KCNIP4: variants seen among roughly 807,000 people sequenced by gnomAD.
The protein encoded by KCNIP4 is Kv channel-interacting protein 4.
In KCNIP4, 12 loss-of-function variants were observed where a neutral mutation model predicts 34.0. That is an observed-to-expected ratio of 0.35 (90% CI 0.23 to 0.57). KCNIP4 has a LOEUF of 0.57. Ranked by LOEUF, KCNIP4 falls within the 20% of genes least tolerant of loss-of-function variation. The pLI is 0.83. For synonymous variants in KCNIP4, 124 were observed against 102.2 expected (o/e 1.21, Z -1.29); for missense variants, 238 against 311.7 (o/e 0.76, Z 1.78).
chr4:20,837,873 A>G (rs551556353), intron 3 of KCNIP4, among the ~76,000 whole-genome samples: 1 of 149,194 alleles, frequency 6.7e-6, no homozygotes, highest in South Asian at 2.1e-4. Context: ...TATTTTTAGT[A>G]GAGATGGGGT....
intron 1 of KCNIP4, among the ~76,000 whole-genome samples, chr4:20,970,715 C>T (rs1734844770): frequency 6.6e-6 from 1 of 152,036 alleles, no homozygotes; most frequent in Admixed American, 6.6e-5. Flanking sequence ...GTTGAGAATC[C>T]CTGCCTAAAA....
Position 21,649,797 on chromosome 4 carries a change from C to A in KCNIP4, c.61+298774G>T, listed in dbSNP as rs918984289. ...TTTTTTATACAACTCTAAACTAGAG[C>A]TGAATCAACTGTAGGGAATGTGCTG... is the stretch of plus-strand genomic sequence containing the variant. On this transcript the variant is annotated intron_variant, in intron 1 of 8. Transcript: ENST00000382152. 3.9e-5 allele frequency among the ~76,000 whole-genome samples: 6 copies of A among 152,124 alleles called. No homozygotes were observed. The East Asian group carries it at 5.8e-4, about 15-fold the overall frequency.
At chr4:20,924,228 T>G (rs1729682640) in intron 1 of KCNIP4, among the ~76,000 whole-genome samples, 1 of 152,212 alleles carries the variant, frequency 6.6e-6, no homozygotes, top group African/African-American at 2.4e-5. Flanking sequence ...CAGTCCATAT[T>G]AGGTTTTATT....
At chr4:21,775,767 G>A (rs1719130875) in intron 1 of KCNIP4, among the ~76,000 whole-genome samples, 1 of 152,226 alleles carries the variant, frequency 6.6e-6, no homozygotes, top group African/African-American at 2.4e-5. Flanking sequence ...GGGCTGTGGG[G>A]ACAAGCCTTG....
chr4:20,842,861 T>G (rs1719921211), intron 3 of KCNIP4, among the ~76,000 whole-genome samples: 1 of 151,486 alleles, frequency 6.6e-6, no homozygotes, highest in African/African-American at 2.4e-5. Flanking sequence ...GGAGATTAAT[T>G]AGAAACAAGA....
chr4:21,713,519 G>T (rs1180477859), intron 1 of KCNIP4, among the ~76,000 whole-genome samples: 1 of 152,250 alleles, frequency 6.6e-6, no homozygotes, highest in East Asian at 1.9e-4. Context: ...GTGATATTTT[G>T]CTACCTGCAT....
At chr4:20,884,095 G>A (rs574067846) in intron 1 of KCNIP4, among the ~76,000 whole-genome samples, 65 of 152,298 alleles carry the variant, frequency 4.3e-4, no homozygotes, top group African/African-American at 1.5e-3. Flanking sequence ...TTCAACTGCT[G>A]GTTGAGGGTC....
chr4:21,865,313 C>CA (rs796120723), intron 1 of KCNIP4, among the ~76,000 whole-genome samples: 86 of 91,414 alleles, frequency 9.4e-4, no homozygotes, highest in Admixed American at 1.1e-3. Flanking sequence ...CACAAACAAA[C>CA]AAAAAAAAAA....
At chr4:21,604,436 GT>G (rs1224191595) in intron 1 of KCNIP4, among the ~76,000 whole-genome samples, 2 of 152,156 alleles carry the variant, frequency 1.3e-5, no homozygotes, top group African/African-American at 4.8e-5. Flanking sequence ...ACCTAGGGTT[GT>G]GTGATTTCAG....
rs567805712 is a variant in KCNIP4, at chr4:20,993,512, A to G, written c.62-110803T>C. Among the ~76,000 whole-genome samples the G allele has an allele frequency of 2.0e-5, 3 of 152,326 alleles. No homozygotes were observed. The East Asian group carries it at 5.8e-4, about 29-fold the overall frequency. On this transcript the variant is annotated intron_variant, in intron 1 of 8. Coordinates refer to ENST00000382152, the MANE Select transcript of KCNIP4 (RefSeq NM_025221.6). Reference sequence around the variant, plus strand: ...CATCCCAATGAATCACTTTGACAAAAGGGACTAAGCCCTCTTAAAAGAAGT... The same window carrying G: ...CATCCCAATGAATCACTTTGACAAAGGGGACTAAGCCCTCTTAAAAGAAGT...
intron 1 of KCNIP4, among the ~76,000 whole-genome samples, chr4:21,728,222 T>G (rs1715335129): frequency 6.6e-6 from 1 of 152,172 alleles, no homozygotes; most frequent in Admixed American, 6.6e-5. Flanking sequence ...ATCTCAAAAC[T>G]AACCAAACTC....
intron 1 of KCNIP4, among the ~76,000 whole-genome samples, chr4:21,439,111 G>A (rs1333335596): frequency 1.4e-5 from 2 of 144,866 alleles, no homozygotes; most frequent in Admixed American, 7.1e-5. Flanking sequence ...GCAGTGAGCC[G>A]ACATCGCGCC....
At chr4:21,517,905 C>T (rs1225056499) in intron 1 of KCNIP4, among the ~76,000 whole-genome samples, 1 of 152,146 alleles carries the variant, frequency 6.6e-6, no homozygotes, top group Non-Finnish European at 1.5e-5. Flanking sequence ...ATAACCTCTA[C>T]CATTTACTGT....
Position 20,728,831 on chromosome 4 carries a change from T to C in KCNIP4, c.*1251A>G, listed in dbSNP as rs1345044390. On this transcript the variant is annotated 3_prime_UTR_variant, in exon 9 of 9. Coordinates refer to ENST00000382152, the MANE Select transcript of KCNIP4 (RefSeq NM_025221.6). ...GACAGTTGCAAATTTCCTCCTTCTG[T>C]AGCCTCTTGGTCTTTGTGATATTTC... The C allele has an allele frequency of 1.3e-5, 2 of 152,572 alleles. No individual in the cohort carries two copies. The highest frequency in any genetic ancestry group is 3.9e-4 in the East Asian group (2 of 5,192). 9.5% of individuals were successfully genotyped at this position (152,572 alleles called of 1,614,324 possible). A position where few individuals can be genotyped will look rare whatever the true frequency, so the allele number is the denominator to read the frequency against.
intron 1 of KCNIP4, among the ~76,000 whole-genome samples, chr4:21,010,459 G>C (rs938871357): frequency 6.6e-6 from 1 of 152,134 alleles, no homozygotes; most frequent in African/African-American, 2.4e-5. Flanking sequence ...CAAAGAAAAT[G>C]CCTGCAGACT....
At position 21,659,395 on chromosome 4, in the gene KCNIP4, G is replaced by C. The variant is rs76626575; in HGVS notation, c.61+289176C>G. Among the ~76,000 whole-genome samples, 1,036 of 152,188 alleles carry C rather than the reference G, an allele frequency of 6.8e-3. 63 individuals carry two copies. The East Asian group carries it at 0.15, about 22-fold the overall frequency. The stretch of plus-strand genomic sequence containing the variant: ...AAGCTAACAGATGCATATTCTTCAA[G>C]TGCAGTTCTGATTATGCATTTTTTT... On this transcript the variant is annotated intron_variant, in intron 1 of 8. Transcript: ENST00000382152.
Position 21,066,439 on chromosome 4 carries a change from A to G in KCNIP4, c.62-183730T>C, listed in dbSNP as rs113499041. ...TAAGTGATCACAGTAGCTGGTTTTCACATCATATTGAGGAAAGAGGCACTG... is the reference window on the plus strand; with the variant it reads ...TAAGTGATCACAGTAGCTGGTTTTCGCATCATATTGAGGAAAGAGGCACTG... On this transcript the variant is annotated intron_variant, in intron 1 of 8. Coordinates refer to ENST00000382152, the MANE Select transcript of KCNIP4 (RefSeq NM_025221.6). 4.3e-3 allele frequency among the ~76,000 whole-genome samples: 652 copies of G among 152,190 alleles called. 4 individuals are homozygous for G. The highest frequency in any genetic ancestry group is 0.015 in the African/African-American group (621 of 41,542).
At chr4:21,750,726 C>T (rs191173847) in intron 1 of KCNIP4, among the ~76,000 whole-genome samples, 21 of 152,226 alleles carry the variant, frequency 1.4e-4, no homozygotes, top group African/African-American at 3.4e-4. Context: ...ATCTATTGCC[C>T]TTACAAACTG....
chr4:21,666,081 G>A (rs1202913874), intron 1 of KCNIP4, among the ~76,000 whole-genome samples: 1 of 152,170 alleles, frequency 6.6e-6, no homozygotes, highest in Admixed American at 6.5e-5. Flanking sequence ...CCTGCCTATA[G>A]AAGAATTTTA....
Sources: allele counts gnomAD v4.1 joint callset (sites outside exome capture counted in the v4.1 genomes callset), GRCh38; gene constraint gnomAD v4.1.1; transcripts MANE v1.5; gene names NCBI Gene and HGNC (gene_info 2026-07-23, HGNC 2026-07-21).